POLD1: variants seen among roughly 807,000 people sequenced by gnomAD.
POLD1 encodes DNA polymerase delta 1, catalytic subunit.
Under a neutral mutation model 129.7 loss-of-function variants are expected in POLD1, and 79 were observed. The ratio of observed to expected loss-of-function variants is 0.61; its 90% CI spans 0.51 to 0.73. The LOEUF (loss-of-function observed/expected upper bound fraction) is 0.73, where lower values mean the gene tolerates loss of function less well. POLD1 is among the 30% of genes least tolerant of loss of function. The probability of loss-of-function intolerance (pLI) is 0.00; values close to 1 mark genes in which losing one functional copy is unlikely to be tolerated. For synonymous variants in POLD1, 714 were observed against 683.3 expected (o/e 1.04, Z -0.70); for missense variants, 1,338 against 1,595.8 (o/e 0.84, Z 2.75).
chr19:50,399,401 G>T lies in POLD1; in HGVS notation c.233G>T (p.Arg78Leu), dbSNP rs750825686. 9 of 1,614,058 alleles carry T rather than the reference G, an allele frequency of 5.6e-6. No individual in the cohort carries two copies. The highest frequency in any genetic ancestry group is 2.2e-5 in the East Asian group (1 of 44,886). Reference sequence around the variant, plus strand: ...GTCCCACCATCAGCCATAGATCCTCGCTGGCTTCGGCCCACACCACCAGCG... The same window carrying T: ...GTCCCACCATCAGCCATAGATCCTCTCTGGCTTCGGCCCACACCACCAGCG... ...GQVPPSAIDP[R>L]WLRPTPPALD... Residue 78 changes from arginine to leucine, a missense_variant, in exon 3 of 27, where the codon CGC (arginine) becomes CTC (leucine). Transcript: ENST00000440232.
intron 3 of POLD1, 150 bp from the exon 4 acceptor site, chr19:50,401,628 G>C (rs973523565): frequency 2.5e-6 from 2 of 809,736 alleles, no homozygotes; most frequent in Non-Finnish European, 4.0e-6. Flanking sequence ...CTGGAGATGG[G>C]AACCAGGGGG....
At chr19:50,393,149 TA>T (rs2038229637) in intron 1 of POLD1, among the ~76,000 whole-genome samples, 2 of 152,304 alleles carry the variant, frequency 1.3e-5, no homozygotes, top group South Asian at 4.1e-4. Context: ...TTTATGTTTA[TA>T]ATTGAGGTGG....
intron 8 of POLD1, 142 bp from the exon 9 acceptor site, chr19:50,402,911 T>A: frequency 7.5e-7 from 1 of 1,328,488 alleles, no homozygotes; most frequent in Non-Finnish European, 1.0e-6. Flanking sequence ...GGCCTGGAGG[T>A]GAGAGCAGAG....
At chr19:50,396,508 C>A (rs3219355) in intron 1 of POLD1, among the ~76,000 whole-genome samples, 20,316 of 149,590 alleles carry the variant, frequency 0.14, 1,723 homozygotes, top group African/African-American at 0.24. Context: ...GATGGAGTCT[C>A]GCTCTGTTGC....
At position 50,399,494 on chromosome 19, in the gene POLD1, G is replaced by T; in HGVS notation, c.316+10G>T. On this transcript the variant is annotated intron_variant, in intron 3 of 26. Coordinates refer to ENST00000440232, the MANE Select transcript of POLD1 (RefSeq NM_002691.4). ...ATTGACCATTATGTGGGTGAGTTTA[G>T]GGGTTATGGGTGAGTGCTGGGGCCC... is the stretch of plus-strand genomic sequence containing the variant. 1 of 1,587,818 alleles carries T rather than the reference G, an allele frequency of 6.3e-7. No homozygotes were observed. Among genetic ancestry groups the T allele is most frequent in the South Asian group, 1.1e-5 (1 of 90,574 alleles).
intron 1 of POLD1, 30 bp from the exon 2 acceptor site, chr19:50,398,821 A>G: frequency 1.2e-6 from 2 of 1,601,324 alleles, no homozygotes; most frequent in Non-Finnish European, 1.7e-6. Flanking sequence ...TCCGGTCAGA[A>G]CCTCCACCAA....
In POLD1 at chr19:50,417,188, C is replaced by T. The variant is rs754507612; in HGVS notation, c.3137C>T (p.Ala1046Val). The change falls in exon 26 of 27, where the codon GCC becomes GTC. Residue 1046 changes from alanine (A) to valine (V), a missense_variant. By Grantham distance (64) the Ala-to-Val change is moderately conservative. Transcript: ENST00000440232. ...LYQKEVSHLN[A>V]LEERFSRLWT... ...CGTCCCCAGGTATCCCATCTGAATGCCCTGGAGGAGCGCTTCTCGCGCCTC... is the reference window on the plus strand; with the variant it reads ...CGTCCCCAGGTATCCCATCTGAATGTCCTGGAGGAGCGCTTCTCGCGCCTC... 5 of 1,606,298 alleles carry T rather than the reference C, an allele frequency of 3.1e-6. No individual in the cohort carries two copies. The highest frequency in any genetic ancestry group is 2.5e-6 in the Non-Finnish European group (3 of 1,177,312).
In POLD1 at chr19:50,398,884, C is replaced by A. The variant is rs3218768; in HGVS notation, c.33C>A (p.Pro11=). MDGKRRPGPG[P]GVPPKRARGG... Reference sequence around the variant, plus strand: ...GCAAGCGGCGGCCAGGCCCAGGGCCCGGGGTGCCCCCAAAGCGGGCCCGTG... The same window carrying A: ...GCAAGCGGCGGCCAGGCCCAGGGCCAGGGGTGCCCCCAAAGCGGGCCCGTG... Residue 11 remains proline (P), a synonymous_variant, in exon 2 of 27, where the codon CCC becomes CCA. Transcript: ENST00000440232. 1 of 1,607,326 alleles carries A rather than the reference C, an allele frequency of 6.2e-7. No homozygotes were observed. Among genetic ancestry groups the A allele is most frequent in the Non-Finnish European group, 8.5e-7 (1 of 1,178,286 alleles).
In POLD1 at chr19:50,401,851, C is replaced by T. The variant is rs751334982; in HGVS notation, c.390C>T (p.Val130=). The T allele has an allele frequency of 6.2e-7, 1 of 1,614,002 alleles. No individual in the cohort carries two copies. Among genetic ancestry groups the T allele is most frequent in the Non-Finnish European group, 8.5e-7 (1 of 1,179,952 alleles). Reference sequence around the variant, plus strand: ...TGCCTGTGCTCCGCGCCTTCGGGGTCACCGATGAGGGGTTCTCTGTCTGCT... The same window carrying T: ...TGCCTGTGCTCCGCGCCTTCGGGGTTACCGATGAGGGGTTCTCTGTCTGCT... ...GSVPVLRAFG[V]TDEGFSVCCH... is the part of the protein sequence containing the mutation. The change falls in exon 4 of 27, where the codon GTC becomes GTT. Residue 130 remains valine (V), a synonymous_variant. Transcript: ENST00000440232.
chr19:50,415,365 C>T, intron 20 of POLD1, 73 bp from the exon 21 acceptor site: 2 of 1,468,272 alleles, frequency 1.4e-6, no homozygotes, highest in Non-Finnish European at 1.9e-6. Context: ...GGTCTCCAGC[C>T]CTGAGACCCG....
In POLD1 at chr19:50,409,679, G is replaced by GA. The variant is rs3218767; in HGVS notation, c.2154+13_2154+14insA. On this transcript the variant is annotated intron_variant, in intron 17 of 26. Coordinates refer to ENST00000440232, the MANE Select transcript of POLD1 (RefSeq NM_002691.4). This position sits in a 1 kb window ranked among gnomAD's most constrained non-coding sequence, Gnocchi z 5.8. ...GGAGATCTCACAGGTGGGCACTCGG[G>GA]CCCCTGGAAGGCAACTGGGGGCAGG... 3.5e-3 allele frequency: 5,568 copies of GA among 1,588,032 alleles called. 176 individuals carry two copies. In the African/African-American group the frequency reaches 0.065, roughly 19 times the overall value.
chr19:50,404,574 CTTTTTTTTT>C (rs71182717), intron 10 of POLD1, among the ~76,000 whole-genome samples: 2 of 77,868 alleles, frequency 2.6e-5, no homozygotes, highest in Non-Finnish European at 4.3e-5. Flanking sequence ...TTTTCTCTTT[CTTTTTTTTT>C]TTTTTTTTTT....
intron 26 of POLD1, among the ~76,000 whole-genome samples, chr19:50,417,501 C>T (rs1568642382): frequency 6.6e-6 from 1 of 152,164 alleles, no homozygotes; most frequent in Non-Finnish European, 1.5e-5. Context: ...CCAGTGTTGC[C>T]CGGGAAACGG....
At chr19:50,405,972 C>G (rs1355476134) in intron 10 of POLD1, among the ~76,000 whole-genome samples, 1 of 152,166 alleles carries the variant, frequency 6.6e-6, no homozygotes, top group African/African-American at 2.4e-5. Context: ...CTCGCTATCC[C>G]AGCCTTGGCT....
chr19:50,413,404 C>T (rs200309749), intron 17 of POLD1, 22 bp from the exon 18 acceptor site: 29 of 1,606,144 alleles, frequency 1.8e-5, no homozygotes, highest in East Asian at 4.5e-5. Context: ...GGCTTCACTC[C>T]GCATGATTCT....
At chr19:50,411,568 C>T (rs1365042138) in intron 17 of POLD1, among the ~76,000 whole-genome samples, 1 of 152,202 alleles carries the variant, frequency 6.6e-6, no homozygotes, top group East Asian at 1.9e-4. Flanking sequence ...TGGCTGGGCG[C>T]GGTGGCTCAC....
rs1180107064 is a variant in POLD1, at chr19:50,417,256, G to A, written c.3205G>A (p.Val1069Ile). The A allele has an allele frequency of 3.8e-6, 6 of 1,596,184 alleles. No individual in the cohort carries two copies. Among genetic ancestry groups the A allele is most frequent in the Admixed American group, 1.7e-5 (1 of 59,160 alleles). Residue 1069 changes from valine to isoleucine, a missense_variant, in exon 26 of 27, where the codon GTC becomes ATC. Val to Ile is a conservative substitution (Grantham distance 29). This residue lies in a region of POLD1 where 286 missense variants were observed against 277.5 expected (regional missense o/e 1.03). Transcript: ENST00000440232. ...QRCQGSLHED[V>I]ICTSRDCPIF... ...CTGCCAGGGCAGCCTGCACGAGGACGTCATCTGCACCAGGTGTGTGCCATG... is the reference window on the plus strand; with the variant it reads ...CTGCCAGGGCAGCCTGCACGAGGACATCATCTGCACCAGGTGTGTGCCATG...
At chr19:50,415,300 C>T in intron 20 of POLD1, 138 bp from the exon 21 acceptor site, 3 of 850,230 alleles carry the variant, frequency 3.5e-6, no homozygotes. Flanking sequence ...ACTCTGCAGC[C>T]TATGGTAGGA....
At chr19:50,395,869 A>G (rs2038341371) in intron 1 of POLD1, among the ~76,000 whole-genome samples, 2 of 133,450 alleles carry the variant, frequency 1.5e-5, no homozygotes, top group African/African-American at 5.8e-5. Flanking sequence ...CAACCAGAGG[A>G]TATATACTTT....
Sources: gnomAD v4.1 joint callset for allele counts (sites outside exome capture counted in the v4.1 genomes callset) on GRCh38, gnomAD v4.1.1 for gene constraint, gnomAD v4.1.1 regional missense constraint, Gnocchi (gnomAD v3.1) non-coding constraint, MANE v1.5 for transcripts, NCBI Gene and HGNC (gene_info 2026-07-23, HGNC 2026-07-21) for gene names.